The following ABCC4 variants were observed in gnomAD, a reference collection of about 807,000 sequenced individuals.
The protein encoded by ABCC4 is ATP-binding cassette sub-family C member 4.
In ABCC4, 102 loss-of-function variants were observed where a neutral mutation model predicts 168.5. The observed-to-expected ratio is 0.61, with a 90% CI of 0.52 to 0.71. ABCC4 has a LOEUF of 0.71. ABCC4 is among the 30% of genes least tolerant of loss of function. The probability of loss-of-function intolerance (pLI) is 0.00; values close to 1 mark genes in which losing one functional copy is unlikely to be tolerated. For synonymous variants in ABCC4, 617 were observed against 590.7 expected, an observed-to-expected ratio of 1.04 and a Z score of -0.65; for missense variants, 1,402 against 1,605.8, an observed-to-expected ratio of 0.87 and a Z score of 2.17.
At chr13:95,154,729 G>A (rs2036802311) in intron 19 of ABCC4, among the ~76,000 whole-genome samples, 1 of 152,210 alleles carries the variant, frequency 6.6e-6, no homozygotes, top group Admixed American at 6.5e-5. Flanking sequence ...TCACTTGTGT[G>A]AACAGGCATA....
At chr13:95,041,598 GTC>G (rs1362152343) in intron 29 of ABCC4, among the ~76,000 whole-genome samples, 2 of 152,128 alleles carry the variant, frequency 1.3e-5, no homozygotes, top group Non-Finnish European at 1.5e-5. Flanking sequence ...TGATTCACTT[GTC>G]TCTATGTTTT....
intron 19 of ABCC4, among the ~76,000 whole-genome samples, chr13:95,120,003 A>T (rs988738355): frequency 6.6e-6 from 1 of 152,108 alleles, no homozygotes; most frequent in Non-Finnish European, 1.5e-5. Context: ...AGTATCTTTC[A>T]TGGAAAAGGA....
rs2041417790 is a variant in ABCC4, at chr13:95,292,070, ACTC to A, written c.74+9168_74+9170del. ...TCAAACTTAACAGGGTCAAAAATAAACTCCTGTCCAGGCACCATGGCGCATGCC... is the reference window on the plus strand; with the variant it reads ...TCAAACTTAACAGGGTCAAAAATAAACTGTCCAGGCACCATGGCGCATGCC... On this transcript the variant is annotated intron_variant, in intron 1 of 30. Transcript: ENST00000645237. Among the ~76,000 whole-genome samples the A allele has an allele frequency of 1.3e-5, 2 of 151,664 alleles. 1 individual carries two copies. The highest frequency in any genetic ancestry group is 4.2e-4 in the South Asian group (2 of 4,810).
Position 95,234,647 on chromosome 13 carries a change from C to T in ABCC4, c.494G>A (p.Arg165Lys), listed in dbSNP as rs757377659. 2.6e-5 allele frequency: 42 copies of T among 1,613,956 alleles called. No homozygotes were observed. The East Asian group carries it at 8.2e-4, about 32-fold the overall frequency. ...CATATGGCACATGGCTACTCGTAAC[C>T]TCATCCCAGCACACTGAACGTGATA... ...YFYHVQCAGM[R>K]LRVAMCHMIY... The change falls in exon 4 of 31, where the codon AGG (arginine) becomes AAG (lysine). Residue 165 changes from arginine to lysine, a missense_variant. Arg to Lys is a conservative substitution (Grantham distance 26, BLOSUM62 2). Transcript: ENST00000645237.
At chr13:95,234,435 T>A (rs1351341992) in intron 4 of ABCC4, among the ~76,000 whole-genome samples, 175 bp downstream of exon 4, 1 of 152,166 alleles carries the variant, frequency 6.6e-6, no homozygotes, top group Non-Finnish European at 1.5e-5. Flanking sequence ...AAGGTGTAAA[T>A]GATTCTATTT....
intron 25 of ABCC4, among the ~76,000 whole-genome samples, chr13:95,071,150 G>A (rs2033710877): frequency 6.6e-6 from 1 of 152,096 alleles, no homozygotes; most frequent in Non-Finnish European, 1.5e-5. Flanking sequence ...TGAGTCTGAG[G>A]CCTCCCCATC....
At chr13:95,197,789 C>T (rs1205236429) in intron 8 of ABCC4, among the ~76,000 whole-genome samples, 4 of 152,152 alleles carry the variant, frequency 2.6e-5, no homozygotes, top group African/African-American at 4.8e-5. Context: ...CAGTGCTTTG[C>T]TGTTAAGATA....
Position 95,253,392 on chromosome 13 carries a change from C to A in ABCC4, c.75-5639G>T, listed in dbSNP as rs555959840. 6.6e-5 allele frequency among the ~76,000 whole-genome samples: 10 copies of A among 152,196 alleles called. No homozygotes were observed. In the East Asian group the frequency reaches 1.9e-3, roughly 29 times the overall value. On this transcript the variant is annotated intron_variant, in intron 1 of 30. Transcript: ENST00000645237. ...GTGTTGTTTGCTGCTAAGCCAACAA[C>A]ATGCTGGGCACATAGAAGGCACCTA...
At chr13:95,189,614 A>G (rs527409632) in intron 9 of ABCC4, among the ~76,000 whole-genome samples, 1 of 152,246 alleles carries the variant, frequency 6.6e-6, no homozygotes, top group Non-Finnish European at 1.5e-5. Context: ...TAAAGCATGA[A>G]CCTCAGTTAT....
intron 26 of ABCC4, among the ~76,000 whole-genome samples, chr13:95,061,594 T>G (rs200383286): frequency 5.2e-5 from 7 of 133,908 alleles, no homozygotes; most frequent in Non-Finnish European, 7.8e-5. Flanking sequence ...GAATATGTGT[T>G]TGTGTGTGTG....
chr13:95,191,249 A>G (rs1877166719), intron 9 of ABCC4, among the ~76,000 whole-genome samples: 2 of 152,236 alleles, frequency 1.3e-5, no homozygotes, highest in Non-Finnish European at 1.5e-5. Context: ...TAATGGTCAC[A>G]TATCCGAATA....
chr13:95,029,800 T>C (rs2031777280), intron 30 of ABCC4, among the ~76,000 whole-genome samples: 1 of 152,184 alleles, frequency 6.6e-6, no homozygotes, highest in Admixed American at 6.5e-5. Flanking sequence ...ATACACTATC[T>C]CATTTAATAC....
intron 11 of ABCC4, among the ~76,000 whole-genome samples, chr13:95,184,052 C>A (rs897650888): frequency 6.6e-6 from 1 of 152,244 alleles, no homozygotes; most frequent in Non-Finnish European, 1.5e-5. Flanking sequence ...CATGCTTACA[C>A]ACATCCAGGA....
chr13:95,177,576 G>A, intron 13 of ABCC4, 131 bp downstream of exon 13: 1 of 634,926 alleles, frequency 1.6e-6, no homozygotes, highest in East Asian at 2.8e-5. Flanking sequence ...GATCTTCAGG[G>A]AAGCAGGGGA....
At chr13:95,217,602 C>A (rs1479084766) in intron 4 of ABCC4, among the ~76,000 whole-genome samples, 3 of 152,054 alleles carry the variant, frequency 2.0e-5, no homozygotes, top group Non-Finnish European at 4.4e-5. Flanking sequence ...CATGGTGGCG[C>A]ACACCCCTGC....
At chr13:95,106,652 T>C (rs1411757209) in intron 20 of ABCC4, among the ~76,000 whole-genome samples, 1 of 151,536 alleles carries the variant, frequency 6.6e-6, no homozygotes, top group South Asian at 2.1e-4. Context: ...AAAGAGGGAG[T>C]AGAAGAAAAT....
intron 8 of ABCC4, 31 bp from the exon 9 acceptor site, chr13:95,194,968 T>G: frequency 6.3e-7 from 1 of 1,576,296 alleles, no homozygotes; most frequent in South Asian, 1.1e-5. Context: ...ACAGATTGTT[T>G]AAATTACAGA....
chr13:95,138,786 C>T (rs773395969), intron 19 of ABCC4, among the ~76,000 whole-genome samples: 1 of 152,264 alleles, frequency 6.6e-6, no homozygotes, highest in Non-Finnish European at 1.5e-5. Context: ...AAGACAAAGC[C>T]TTCCTGCTCT....
chr13:95,124,973 C>G (rs1427995091), intron 19 of ABCC4, among the ~76,000 whole-genome samples: 1 of 152,028 alleles, frequency 6.6e-6, no homozygotes, highest in Non-Finnish European at 1.5e-5. Context: ...GGCACACAAA[C>G]CTAGAAGAGT....
Sources: gnomAD v4.1 joint callset for allele counts (sites outside exome capture counted in the v4.1 genomes callset) on GRCh38, gnomAD v4.1.1 for gene constraint, MANE v1.5 for transcripts, NCBI Gene and HGNC (gene_info 2026-07-23, HGNC 2026-07-21) for gene names.